IL1RAPL2: variants seen among roughly 807,000 people sequenced by gnomAD.
The protein encoded by IL1RAPL2 is X-linked interleukin-1 receptor accessory protein-like 2.
IL1RAPL2 carries 3 observed loss-of-function variants against 44.1 expected under a neutral mutation model. The ratio of observed to expected loss-of-function variants is 0.07; its 90% confidence interval spans 0.03 to 0.18. The LOEUF (loss-of-function observed/expected upper bound fraction) is 0.18, where lower values mean the gene tolerates loss of function less well. IL1RAPL2 is among the 10% of genes least tolerant of loss of function. IL1RAPL2 has a pLI of 1.00. For missense variants in IL1RAPL2, 391 were observed against 496.4 expected (o/e 0.79, Z 2.02); for synonymous variants, 181 against 178.8 (o/e 1.01, Z -0.10).
chrX:104,908,085 GTTGGT>G (rs1358953638), intron 2 of IL1RAPL2, among the ~76,000 whole-genome samples: 22 of 110,287 alleles, frequency 2.0e-4, no homozygotes, highest in African/African-American at 6.6e-4. Flanking sequence ...TTTGATCTTT[GTTGGT>G]TTAAAGTCTG....
intron 5 of IL1RAPL2, among the ~76,000 whole-genome samples, chrX:105,297,448 G>A (rs1005891178): frequency 9.0e-6 from 1 of 111,391 alleles, no homozygotes; most frequent in African/African-American, 3.3e-5. Context: ...AATGAAAAGA[G>A]GTTTAATTGA....
intron 2 of IL1RAPL2, among the ~76,000 whole-genome samples, chrX:105,100,994 C>T (rs765423536): frequency 5.4e-4 from 61 of 112,643 alleles, no homozygotes; most frequent in African/African-American, 1.9e-3. Context: ...GCTCTGTGGG[C>T]CTGCCCATGG....
chrX:105,079,592 G>C (rs2032371958), intron 2 of IL1RAPL2, among the ~76,000 whole-genome samples: 1 of 108,704 alleles, frequency 9.2e-6, no homozygotes. Context: ...TCTTAATCCA[G>C]TCTATCACTG....
At chrX:105,431,102 A>T (rs997590627) in intron 5 of IL1RAPL2, among the ~76,000 whole-genome samples, 10 of 112,367 alleles carry the variant, frequency 8.9e-5, no homozygotes, top group Non-Finnish European at 1.9e-4. Context: ...CAAAGCATTT[A>T]CAATTCCATC....
intron 6 of IL1RAPL2, among the ~76,000 whole-genome samples, chrX:105,596,113 TG>T (rs2037208110): frequency 9.0e-6 from 1 of 111,702 alleles, no homozygotes; most frequent in Non-Finnish European, 1.9e-5. Flanking sequence ...GTATTGTTTT[TG>T]TATTTTTCGT....
intron 2 of IL1RAPL2, among the ~76,000 whole-genome samples, chrX:104,941,155 A>G (rs1925162764): frequency 9.0e-6 from 1 of 110,710 alleles, no homozygotes; most frequent in African/African-American, 3.3e-5. Flanking sequence ...TAGTGCCGCA[A>G]TAAACATATG....
intron 1 of IL1RAPL2, among the ~76,000 whole-genome samples, chrX:104,632,264 G>A (rs1027254910): frequency 5.4e-5 from 6 of 111,742 alleles, no homozygotes; most frequent in Admixed American, 9.5e-5. Flanking sequence ...ATAGTTTGAA[G>A]TCAGGTAGCT....
In IL1RAPL2 at chrX:105,008,622, C is replaced by A. The variant is rs771310648; in HGVS notation, c.83-186853C>A. ...TAATTCAAGATGGATTAAAGACTTACATGTTAGACCTAAAACCATAAAAAC... is the reference window on the plus strand; with the variant it reads ...TAATTCAAGATGGATTAAAGACTTAAATGTTAGACCTAAAACCATAAAAAC... On this transcript the variant is annotated intron_variant, in intron 2 of 10. Coordinates refer to ENST00000372582, the MANE Select transcript of IL1RAPL2 (RefSeq NM_017416.2). 1.4e-4 allele frequency among the ~76,000 whole-genome samples: 16 copies of A among 110,923 alleles called. No homozygotes were observed. In the South Asian group the frequency reaches 2.3e-3, roughly 16 times the overall value.
At chrX:104,939,349 G>A (rs1050487291) in intron 2 of IL1RAPL2, among the ~76,000 whole-genome samples, 4 of 111,701 alleles carry the variant, frequency 3.6e-5, no homozygotes, top group Non-Finnish European at 5.6e-5. Flanking sequence ...GAGCCACCAC[G>A]CTGGGCCACA....
Position 105,675,177 on chromosome X carries a change from G to A in IL1RAPL2, c.773-42190G>A, listed in dbSNP as rs746192756. 2.0e-4 allele frequency among the ~76,000 whole-genome samples: 22 copies of A among 111,260 alleles called. 1 individual carries two copies. In the South Asian group the frequency reaches 8.0e-3, roughly 41 times the overall value. ...TTTATTTCTCCTGCCTGGTTGCCTGGCCAGAACTTACAATACTATGTTGAA... is the reference window on the plus strand; with the variant it reads ...TTTATTTCTCCTGCCTGGTTGCCTGACCAGAACTTACAATACTATGTTGAA... On this transcript the variant is annotated intron_variant, in intron 6 of 10. Transcript: ENST00000372582.
chrX:105,219,706 G>A, intron 3 of IL1RAPL2: 2 of 1,208,171 alleles, frequency 1.7e-6, no homozygotes, highest in East Asian at 5.9e-5. Context: ...TCCGGCAGTG[G>A]CCAGGCCTGG....
At chrX:104,742,576 G>A (rs1309072874) in intron 2 of IL1RAPL2, among the ~76,000 whole-genome samples, 1 of 111,501 alleles carries the variant, frequency 9.0e-6, no homozygotes, top group Admixed American at 9.5e-5. Flanking sequence ...CATGGTGTCT[G>A]TACAGTGCCA....
chrX:104,911,168 C>A (rs1271951972), intron 2 of IL1RAPL2, among the ~76,000 whole-genome samples: 1 of 111,611 alleles, frequency 9.0e-6, no homozygotes, highest in Non-Finnish European at 1.9e-5. Flanking sequence ...CCATCTCCCG[C>A]CCAAAGACTC....
At chrX:104,825,883 G>A (rs1417875188) in intron 2 of IL1RAPL2, among the ~76,000 whole-genome samples, 1 of 111,563 alleles carries the variant, frequency 9.0e-6, no homozygotes, top group Non-Finnish European at 1.9e-5. Flanking sequence ...ACTGCAAATT[G>A]AGGAGGCTGC....
intron 2 of IL1RAPL2, among the ~76,000 whole-genome samples, chrX:104,955,542 CAT>C (rs986095716): frequency 4.7e-5 from 5 of 106,384 alleles, no homozygotes; most frequent in East Asian, 2.9e-4. Flanking sequence ...ATATTATACT[CAT>C]ATATATATAT....
At chrX:105,295,339 G>T (rs2034646224) in intron 5 of IL1RAPL2, among the ~76,000 whole-genome samples, 2 of 111,644 alleles carry the variant, frequency 1.8e-5, no homozygotes, top group Admixed American at 1.9e-4. Flanking sequence ...TGTGAGGTAG[G>T]TGAGTATCTT....
intron 9 of IL1RAPL2, among the ~76,000 whole-genome samples, chrX:105,753,624 T>C (rs2038613820): frequency 9.0e-6 from 1 of 110,989 alleles, no homozygotes; most frequent in Non-Finnish European, 1.9e-5. Context: ...ATGAACATTC[T>C]CACTTCCAAG....
At chrX:104,685,676 G>A (rs1407600519) in intron 2 of IL1RAPL2, among the ~76,000 whole-genome samples, 1 of 111,094 alleles carries the variant, frequency 9.0e-6, no homozygotes, top group Non-Finnish European at 1.9e-5. Context: ...TGTAAATGAC[G>A]AGCTAGTGGG....
intron 3 of IL1RAPL2, among the ~76,000 whole-genome samples, chrX:105,205,384 T>A (rs900345447): frequency 9.4e-5 from 10 of 106,498 alleles, no homozygotes; most frequent in Non-Finnish European, 5.8e-5. Context: ...AGGTCAGAAG[T>A]TCGAGACCAG....
Sources: allele counts gnomAD v4.1 joint callset (sites outside exome capture counted in the v4.1 genomes callset), GRCh38; gene constraint gnomAD v4.1.1; transcripts MANE v1.5; gene names NCBI Gene and HGNC (gene_info 2026-07-23, HGNC 2026-07-21).